Variants in HECTD3 observed in about 807,000 individuals in gnomAD.
HECTD3 encodes E3 ubiquitin-protein ligase HECTD3.
A neutral mutation model predicts 109.3 loss-of-function variants in HECTD3; 72 were observed. The ratio of observed to expected loss-of-function variants is 0.66; its 90% confidence interval spans 0.54 to 0.80. The LOEUF is 0.80. Among genes scored for constraint, HECTD3 ranks in the 30% least tolerant of loss-of-function variants. The pLI, the probability that HECTD3 is intolerant of heterozygous loss-of-function variation, is 0.00. For synonymous variants in HECTD3, 481 were observed against 471.8 expected, an observed-to-expected ratio of 1.02 and a Z score of -0.25; for missense variants, 1,041 against 1,165.2, an observed-to-expected ratio of 0.89 and a Z score of 1.55.
intron 15 of HECTD3, 74 bp from the exon 16 acceptor site, chr1:45,004,880 A>G (rs1644721317): frequency 2.2e-6 from 3 of 1,379,214 alleles, no homozygotes; most frequent in Non-Finnish European, 3.1e-6. Context: ...CAAGATGCTC[A>G]CAGGGAAGCA....
chr1:45,009,510 C>G, intron 5 of HECTD3, 28 bp from the exon 6 acceptor site: 1 of 1,608,008 alleles, frequency 6.2e-7, no homozygotes, highest in Non-Finnish European at 8.5e-7. Flanking sequence ...GAATATGAGT[C>G]TTTGTGAACC....
chr1:45,007,655 T>C, intron 9 of HECTD3, 60 bp from the exon 10 acceptor site: 2 of 1,422,434 alleles, frequency 1.4e-6, no homozygotes, highest in Non-Finnish European at 9.7e-7. Context: ...GTCCAGGCCC[T>C]GGAACTTTCC....
Position 45,003,823 on chromosome 1 carries a change from A to G in HECTD3, c.2429+32T>C. The G allele has an allele frequency of 6.2e-7, 1 of 1,611,134 alleles. No individual in the cohort carries two copies. The highest frequency in any genetic ancestry group is 1.1e-5 in the South Asian group (1 of 90,978). On this transcript the variant is annotated intron_variant, in intron 19 of 20. Coordinates refer to ENST00000372172, the MANE Select transcript of HECTD3 (RefSeq NM_024602.6). This position sits in a 1 kb window ranked among gnomAD's most constrained non-coding sequence, Gnocchi z 4.7. ...TGGGGAGGGAGGACAGAAGGCGGCC[A>G]TGGCACCTTCAGGCCTCCCTCCAGC... is the stretch of plus-strand genomic sequence containing the variant.
In HECTD3 at chr1:45,006,950, C is replaced by T. The variant is rs1164744132; in HGVS notation, c.1621+1G>A. The T allele has an allele frequency of 6.2e-7, 1 of 1,614,048 alleles. No individual in the cohort carries two copies. The highest frequency in any genetic ancestry group is 8.5e-7 in the Non-Finnish European group (1 of 1,179,934). On this transcript the variant is annotated splice_donor_variant, in intron 12 of 20. Transcript: ENST00000372172. LOFTEE classifies it high-confidence loss of function. This position sits in a 1 kb window ranked among gnomAD's most constrained non-coding sequence, Gnocchi z 4.7. The stretch of plus-strand genomic sequence containing the variant: ...CTTGAGATCCTCCCTCAGGGCCTCA[C>T]CTTGGTCAATGATGCCTTCTGCAAT...
intron 7 of HECTD3, 106 bp from the exon 8 acceptor site, chr1:45,008,807 C>T (rs988671050): frequency 2.0e-5 from 22 of 1,083,462 alleles, no homozygotes; most frequent in Non-Finnish European, 3.0e-5. Flanking sequence ...CACCGTTAGC[C>T]CCTAGAAACT....
Position 45,009,488 on chromosome 1 carries a change from G to A in HECTD3, c.876-6C>T, listed in dbSNP as rs377294466. The A allele has an allele frequency of 1.4e-4, 223 of 1,612,342 alleles. 1 individual carries two copies. The highest frequency in any genetic ancestry group is 9.9e-4 in the Middle Eastern group (6 of 6,058). The stretch of plus-strand genomic sequence containing the variant: ...CCACTGTGAGTAGCAGCTTCCTGAA[G>A]GGTCAGAGTGTGAATATGAGTCTTT... On this transcript the variant is annotated splice_region_variant and splice_polypyrimidine_tract_variant and intron_variant, in intron 5 of 20. Transcript: ENST00000372172.
At position 45,004,303 on chromosome 1, in the gene HECTD3, C is replaced by G; in HGVS notation, c.2217G>C (p.Leu739Phe). 6.2e-7 allele frequency: 1 copy of G among 1,614,030 alleles called. No individual in the cohort carries two copies. The highest frequency in any genetic ancestry group is 8.5e-7 in the Non-Finnish European group (1 of 1,179,906). The change falls in exon 17 of 21, where the codon TTG becomes TTC. Residue 739 changes from leucine (L) to phenylalanine (F), a missense_variant. Physicochemically the swap from Leu to Phe is conservative, Grantham distance 22. This residue lies in a region of HECTD3 where 569 missense variants were observed against 715.3 expected (regional missense o/e 0.80). Transcript: ENST00000372172. ...AVLDLLTWQE[L>F]EKKVCGDPEV... The stretch of plus-strand genomic sequence containing the variant: ...CTGGATCCCCACACACTTTCTTCTC[C>G]AACTCTTGCCAGGTCAGCAAGTCCA...
chr1:45,007,120 G>A (rs1468627820), intron 11 of HECTD3, 99 bp downstream of exon 11: 20 of 1,505,676 alleles, frequency 1.3e-5, no homozygotes, highest in Admixed American at 1.8e-5. Flanking sequence ...GGGGTGCCTC[G>A]AGCAGTTGTG....
intron 6 of HECTD3, 39 bp downstream of exon 6, chr1:45,009,330 G>T: frequency 6.4e-7 from 1 of 1,561,922 alleles, no homozygotes; most frequent in East Asian, 2.2e-5. Context: ...GCTAGGCTTG[G>T]AACATGCCCT....
rs769452119 is a variant in HECTD3 at position 45,004,148 on chromosome 1, G to C, written c.2273-14C>G. ...CCTCAAACCGGGCTGGTGGAGACAA[G>C]GCCAGCATTCATTCTTGGGTCTCAT... On this transcript the variant is annotated splice_polypyrimidine_tract_variant and intron_variant, in intron 17 of 20. Transcript: ENST00000372172. 1 of 1,614,164 alleles carries C rather than the reference G, an allele frequency of 6.2e-7. No homozygotes were observed. The highest frequency in any genetic ancestry group is 8.5e-7 in the Non-Finnish European group (1 of 1,180,030).
intron 17 of HECTD3, 24 bp from the exon 18 acceptor site, chr1:45,004,158 C>A: frequency 6.2e-7 from 1 of 1,614,158 alleles, no homozygotes; most frequent in Non-Finnish European, 8.5e-7. Flanking sequence ...GGCCAGCATT[C>A]ATTCTTGGGT....
intron 6 of HECTD3, 46 bp downstream of exon 6, chr1:45,009,323 A>T (rs756469632): frequency 1.3e-6 from 2 of 1,554,880 alleles, no homozygotes; most frequent in Non-Finnish European, 1.8e-6. Context: ...AAGCTGGGCT[A>T]GGCTTGGAAC....
chr1:45,009,097 A>T, intron 7 of HECTD3, 47 bp downstream of exon 7: 1 of 1,451,460 alleles, frequency 6.9e-7, no homozygotes, highest in Non-Finnish European at 9.7e-7. Context: ...GTTTGCCCCC[A>T]TCTCCACGCC....
At chr1:45,009,072 CCACA>C (rs978091610) in intron 7 of HECTD3, 68 bp downstream of exon 7, 11 of 1,225,906 alleles carry the variant, frequency 9.0e-6, no homozygotes, top group Non-Finnish European at 1.3e-5. Flanking sequence ...CCTCTTCTCT[CCACA>C]CACACTCTCT....
In HECTD3 at chr1:45,004,230, C is replaced by CTGCCT; in HGVS notation, c.2272+13_2272+17dup. On this transcript the variant is annotated intron_variant, in intron 17 of 20. Coordinates refer to ENST00000372172, the MANE Select transcript of HECTD3 (RefSeq NM_024602.6). ...CTGTGCTGTGCTGCCCTGCCCTGCC[C>CTGCCT]TGCCTTGGGGAACTCACTGAGCTTG... 1.9e-6 allele frequency: 3 copies of CTGCCT among 1,614,008 alleles called. No homozygotes were observed. Among genetic ancestry groups the CTGCCT allele is most frequent in the Middle Eastern group, 1.6e-4 (1 of 6,062 alleles).
In HECTD3 at chr1:45,004,862, T is replaced by C. The variant is rs1569935726; in HGVS notation, c.1936-56A>G. On this transcript the variant is annotated intron_variant, in intron 15 of 20. Transcript: ENST00000372172. Reference sequence around the variant, plus strand: ...CTTTTCACTGTGGAGATAGTCCCTGTCTTTCCACAAGATGCTCACAGGGAA... The same window carrying C: ...CTTTTCACTGTGGAGATAGTCCCTGCCTTTCCACAAGATGCTCACAGGGAA... 6 of 1,495,842 alleles carry C rather than the reference T, an allele frequency of 4.0e-6. No homozygotes were observed. The East Asian group carries it at 1.4e-4, about 34-fold the overall frequency. 92.7% of individuals were successfully genotyped at this position (1,495,842 alleles called of 1,614,324 possible).
Position 45,010,674 on chromosome 1 carries a change from C to A in HECTD3, c.402G>T (p.Gly134=), listed in dbSNP as rs1324895507. The part of the protein sequence containing the change: ...EQLAEHLGDC[G]LQEGWLLVCR... ...ACACCAGCAGCCAGCCTTCCTGCAGCCCGCAGTCGCCCAGGTGCTCTGCCA... is the reference window on the plus strand; with the variant it reads ...ACACCAGCAGCCAGCCTTCCTGCAGACCGCAGTCGCCCAGGTGCTCTGCCA... Residue 134 remains glycine (G), a synonymous_variant, in exon 2 of 21, where the codon GGG becomes GGT. Transcript: ENST00000372172. 3 of 1,574,232 alleles carry A rather than the reference C, an allele frequency of 1.9e-6. No homozygotes were observed. The highest frequency in any genetic ancestry group is 1.8e-5 in the Admixed American group (1 of 55,622).
chr1:45,004,052 C>T lies in HECTD3; in HGVS notation c.2347+8G>A, dbSNP rs1236009246. ...AACCCAGGTGTCACCCTGCCCTCCT[C>T]CACTGACCGTTGGTGAAGTTGTTCA... On this transcript the variant is annotated splice_region_variant and intron_variant, in intron 18 of 20. Transcript: ENST00000372172. 2 of 1,614,064 alleles carry T rather than the reference C, an allele frequency of 1.2e-6. No individual in the cohort carries two copies. Among genetic ancestry groups the T allele is most frequent in the Non-Finnish European group, 1.7e-6 (2 of 1,179,970 alleles).
rs1198172680 is a variant in HECTD3, at chr1:45,003,883, G to A, written c.2401C>T (p.Arg801Trp). The A allele has an allele frequency of 7.4e-6, 12 of 1,613,372 alleles. No individual in the cohort carries two copies. The highest frequency in any genetic ancestry group is 2.2e-5 in the East Asian group (1 of 44,860). Residue 801 changes from arginine to tryptophan, a missense_variant, in exon 19 of 21, where the codon CGG becomes TGG. Physicochemically the swap from Arg to Trp is moderately radical, Grantham distance 101. Coordinates refer to ENST00000372172, the MANE Select transcript of HECTD3 (RefSeq NM_024602.6). The surrounding 1 kb of genome is among the most constrained non-coding windows in gnomAD (Gnocchi z 4.7). Reference protein sequence around the residue: ...FVTGRSRLPARIYIYPDKLGY... With the variant: ...FVTGRSRLPAWIYIYPDKLGY... ...AGCTTGTCTGGGTAGATGTAGATCC[G>A]TGCTGGCAGGCGACTGCGGCCCGTG... is the stretch of plus-strand genomic sequence containing the variant.
Sources: gnomAD v4.1 joint callset for allele counts on GRCh38, gnomAD v4.1.1 for gene constraint, gnomAD v4.1.1 regional missense constraint, Gnocchi (gnomAD v3.1) non-coding constraint, MANE v1.5 for transcripts, NCBI Gene and HGNC (gene_info 2026-07-23, HGNC 2026-07-21) for gene names.